Variants in DAB1 observed in about 807,000 individuals in gnomAD.
DAB1 encodes the protein DAB adaptor protein 1.
A neutral mutation model predicts 64.6 loss-of-function variants in DAB1; 15 were observed. The ratio of observed to expected loss-of-function variants is 0.23; its 90% CI spans 0.16 to 0.36. The LOEUF is 0.36. DAB1 is among the 10% of genes least tolerant of loss of function. The pLI, the probability that DAB1 is intolerant of heterozygous loss-of-function variation, is 1.00. For synonymous variants in DAB1, 235 were observed against 251.9 expected (o/e 0.93, Z 0.64); for missense variants, 596 against 706.7 (o/e 0.84, Z 1.78).
At chr1:57,910,565 A>C (rs996034934) in intron 5 of DAB1, among the ~76,000 whole-genome samples, 4 of 152,166 alleles carry the variant, frequency 2.6e-5, no homozygotes, top group African/African-American at 9.7e-5. Context: ...CTAAAATGCC[A>C]AGTGTTAGGG....
chr1:58,454,629 A>G (rs1200080362), intron 3 of DAB1, among the ~76,000 whole-genome samples: 4 of 152,154 alleles, frequency 2.6e-5, no homozygotes, highest in Non-Finnish European at 5.9e-5. Flanking sequence ...TCTAAGTAGC[A>G]TCAGCCTCCT....
At chr1:57,593,456 T>C (rs1380932529) in intron 7 of DAB1, among the ~76,000 whole-genome samples, 1 of 152,238 alleles carries the variant, frequency 6.6e-6, no homozygotes, top group Non-Finnish European at 1.5e-5. Context: ...ATAATGTTGC[T>C]GTGACCATGG....
chr1:57,504,985 T>A (rs772746819), intron 7 of DAB1, among the ~76,000 whole-genome samples: 1 of 151,964 alleles, frequency 6.6e-6, no homozygotes. Flanking sequence ...TAAGAAGACA[T>A]GATGATGAAA....
chr1:58,330,243 A>C (rs960900459), intron 4 of DAB1, among the ~76,000 whole-genome samples: 1 of 152,234 alleles, frequency 6.6e-6, no homozygotes, highest in Non-Finnish European at 1.5e-5. Flanking sequence ...ATATTCACTT[A>C]AGTCAAAGCC....
intron 7 of DAB1, among the ~76,000 whole-genome samples, chr1:57,614,468 C>T (rs1399012431): frequency 6.6e-6 from 1 of 152,148 alleles, no homozygotes; most frequent in African/African-American, 2.4e-5. Context: ...TAATACTGGT[C>T]CATGATGAAG....
chr1:57,172,711 C>A (rs981987325), intron 2 of DAB1, among the ~76,000 whole-genome samples: 2 of 152,102 alleles, frequency 1.3e-5, no homozygotes, highest in East Asian at 3.9e-4. Flanking sequence ...TAACAACCAG[C>A]TCTCTTGGGA....
At chr1:58,357,026 CAAAAAA>C (rs3990929) in intron 3 of DAB1, among the ~76,000 whole-genome samples, 2 of 86,136 alleles carry the variant, frequency 2.3e-5, no homozygotes, top group Non-Finnish European at 2.1e-5. Flanking sequence ...ACCCTGTCTC[CAAAAAA>C]AAAAAAAAAA....
rs368927628 is a variant in DAB1, at chr1:58,369,019, A to G, written n.258-25616T>C. Among the ~76,000 whole-genome samples the G allele has an allele frequency of 3.9e-5, 6 of 152,322 alleles. No homozygotes were observed. In the East Asian group the frequency reaches 1.2e-3, roughly 29 times the overall value. The stretch of plus-strand genomic sequence containing the variant: ...CTAGATGGAACCTTGTCTCAAAAAA[A>G]AAGTAGCCTTCAACCAAGTACTAAC... On this transcript the variant is annotated intron_variant and non_coding_transcript_variant, in intron 3 of 20. Transcript: ENST00000485760.
chr1:57,142,394 T>C (rs148468918), intron 3 of DAB1, among the ~76,000 whole-genome samples: 13 of 152,270 alleles, frequency 8.5e-5, no homozygotes, highest in South Asian at 2.1e-4. Flanking sequence ...TGTTTCTGTG[T>C]TTCCTAAAGA....
intron 1 of DAB1, among the ~76,000 whole-genome samples, chr1:57,303,018 C>A (rs977079289): frequency 6.6e-6 from 1 of 152,150 alleles, no homozygotes; most frequent in African/African-American, 2.4e-5. Flanking sequence ...GTGGTAAGTG[C>A]TGGTGGAAAG....
intron 6 of DAB1, among the ~76,000 whole-genome samples, chr1:57,710,175 C>T (rs1186998212): frequency 6.6e-6 from 1 of 151,962 alleles, no homozygotes. Context: ...AATTTGTTTG[C>T]TTGTAAGTTT....
chr1:57,298,562 C>A (rs2100690751), intron 1 of DAB1, among the ~76,000 whole-genome samples: 1 of 152,070 alleles, frequency 6.6e-6, no homozygotes, highest in East Asian at 1.9e-4. Flanking sequence ...AAACGAATCA[C>A]AAATATGGGA....
intron 1 of DAB1, among the ~76,000 whole-genome samples, chr1:57,392,175 C>A (rs969816968): frequency 7.9e-5 from 12 of 152,120 alleles, no homozygotes; most frequent in Non-Finnish European, 1.5e-4. Flanking sequence ...AGATCGAGAC[C>A]AGCCATGGCC....
chr1:57,343,453 C>A (rs942651432), intron 1 of DAB1, among the ~76,000 whole-genome samples: 1 of 152,258 alleles, frequency 6.6e-6, no homozygotes, highest in African/African-American at 2.4e-5. Context: ...TGCGCCCGCA[C>A]TCCTGAGCCC....
intron 1 of DAB1, among the ~76,000 whole-genome samples, chr1:57,386,387 AC>A (rs1295388037): frequency 3.0e-5 from 3 of 99,420 alleles, no homozygotes; most frequent in African/African-American, 1.3e-4. Context: ...AAAAAAAAAA[AC>A]CCGTCTTTTT....
At chr1:57,178,827 C>T (rs964889443) in intron 2 of DAB1, among the ~76,000 whole-genome samples, 5 of 151,702 alleles carry the variant, frequency 3.3e-5, no homozygotes, top group African/African-American at 1.2e-4. Flanking sequence ...ATATATAATG[C>T]ACCTAAGATA....
At chr1:57,211,309 C>A (rs1480259027) in intron 2 of DAB1, among the ~76,000 whole-genome samples, 2 of 152,142 alleles carry the variant, frequency 1.3e-5, no homozygotes, top group African/African-American at 4.8e-5. Flanking sequence ...ACCCCAAGGA[C>A]CATCTTGAGG....
chr1:57,503,459 C>T (rs1644313082), intron 7 of DAB1, among the ~76,000 whole-genome samples: 1 of 152,188 alleles, frequency 6.6e-6, no homozygotes, highest in Non-Finnish European at 1.5e-5. Context: ...CTTATTGCCT[C>T]ATTTCACACT....
chr1:58,289,397 T>C (rs1661763556), intron 4 of DAB1, among the ~76,000 whole-genome samples: 1 of 152,214 alleles, frequency 6.6e-6, no homozygotes, highest in Non-Finnish European at 1.5e-5. Flanking sequence ...AGACCAGGAA[T>C]GGAACCTCAA....
Sources: allele counts gnomAD v4.1 joint callset (sites outside exome capture counted in the v4.1 genomes callset), GRCh38; gene constraint gnomAD v4.1.1; transcripts MANE v1.5; gene names NCBI Gene and HGNC (gene_info 2026-07-23, HGNC 2026-07-21).